The following OOEP variants were observed in gnomAD, a reference collection of about 807,000 sequenced individuals.
OOEP encodes oocyte-expressed protein homolog.
Under a neutral mutation model 13.7 loss-of-function variants are expected in OOEP, and 16 were observed. That is an observed-to-expected ratio of 1.16 (90% CI 0.79 to 1.77). OOEP has a LOEUF of 1.77. Among genes scored for constraint, OOEP ranks in the 40% most tolerant of loss-of-function variants. OOEP has a pLI of 0.00. For missense variants in OOEP, 195 were observed against 193.1 expected (o/e 1.01, Z -0.06); for synonymous variants, 89 against 77.1 (o/e 1.15, Z -0.81).
In OOEP at chr6:73,368,807, A is replaced by T. The variant is rs769916521; in HGVS notation, c.427T>A (p.Ser143Thr). The change falls in exon 3 of 3, where the codon TCT (serine) becomes ACT (threonine). Residue 143 changes from serine to threonine, a missense_variant. Coordinates refer to ENST00000370359, the MANE Select transcript of OOEP (RefSeq NM_001080507.3). ...TCTTAAGCAACAGGATCCTGGGGAG[A>T]GTGGGGGTCTGATGCATGGGCCTTC... is the stretch of plus-strand genomic sequence containing the variant. ...NLKAHASDPH[S>T]PQDPVA 3.4e-5 allele frequency: 55 copies of T among 1,612,424 alleles called. No homozygotes were observed. The highest frequency in any genetic ancestry group is 4.5e-5 in the Non-Finnish European group (53 of 1,178,604).
At chr6:73,377,411 AAAC>A (rs1431588877) in intron 2 of OOEP, among the ~76,000 whole-genome samples, 1 of 125,232 alleles carries the variant, frequency 8.0e-6, no homozygotes, top group East Asian at 2.5e-4. Flanking sequence ...AGGAGTAGAT[AAAC>A]AACCTGCTCA....
intron 2 of OOEP, among the ~76,000 whole-genome samples, chr6:73,394,117 G>A (rs2150785003): frequency 6.6e-6 from 1 of 152,170 alleles, no homozygotes; most frequent in Middle Eastern, 3.4e-3. Flanking sequence ...GAGGTGGGAG[G>A]ATCACTTGAG....
chr6:73,372,978 G>A (rs1470039700), upstream of OOEP: 12 of 724,878 alleles, frequency 1.7e-5, no homozygotes, highest in Admixed American at 2.2e-4. Context: ...CAACCAACGT[G>A]TTCATAACAG....
chr6:73,368,875 G>A lies in OOEP; in HGVS notation c.371-12C>T, dbSNP rs1401738064. The stretch of plus-strand genomic sequence containing the variant: ...TTTCATCTTCTCAGCTGGAAGAGAA[G>A]CAGTTGATACTAACCATGGACAGGG... On this transcript the variant is annotated splice_polypyrimidine_tract_variant and intron_variant, in intron 2 of 2. Transcript: ENST00000370359. 1 of 1,603,064 alleles carries A rather than the reference G, an allele frequency of 6.2e-7. No homozygotes were observed.
chr6:73,388,755 G>A (rs1167425143), intron 2 of OOEP, among the ~76,000 whole-genome samples: 1 of 152,242 alleles, frequency 6.6e-6, no homozygotes, highest in South Asian at 2.1e-4. Flanking sequence ...AGTCTGGCAG[G>A]TTGTAAGTGC....
chr6:73,368,946 A>T (rs1768999291), intron 2 of OOEP, 83 bp from the exon 3 acceptor site: 1 of 1,101,000 alleles, frequency 9.1e-7, no homozygotes, highest in Non-Finnish European at 1.4e-6. Flanking sequence ...GGAGTTGGGG[A>T]GGAGAGAAAG....
chr6:73,388,982 T>A (rs931042399), intron 2 of OOEP, among the ~76,000 whole-genome samples: 1 of 151,932 alleles, frequency 6.6e-6, no homozygotes, highest in Admixed American at 6.6e-5. Context: ...CAAACCCACA[T>A]TGGGGGTACT....
At chr6:73,371,118 C>T (rs1475060206), upstream of OOEP, among the ~76,000 whole-genome samples, 2 of 151,868 alleles carry the variant, frequency 1.3e-5, no homozygotes, top group Non-Finnish European at 2.9e-5. Flanking sequence ...GAAGAAAAAA[C>T]TCAAAATAGT....
chr6:73,370,070 C>T (rs1769026190), upstream of OOEP: 1 of 467,942 alleles, frequency 2.1e-6, no homozygotes, highest in Admixed American at 3.7e-5. Flanking sequence ...TCTCCTTCGT[C>T]ATCTCTGCTC....
At chr6:73,393,544 T>C (rs1769381188) in intron 2 of OOEP, among the ~76,000 whole-genome samples, 3 of 152,154 alleles carry the variant, frequency 2.0e-5, no homozygotes, top group African/African-American at 7.2e-5. Context: ...TTTCCTTAGC[T>C]CTAAAATTAT....
At chr6:73,375,326 G>T (rs996945370) in intron 2 of OOEP, among the ~76,000 whole-genome samples, 2 of 151,462 alleles carry the variant, frequency 1.3e-5, no homozygotes, top group African/African-American at 4.8e-5. Context: ...GCTCAGGCCT[G>T]TAATCCCAGC....
intron 2 of OOEP, among the ~76,000 whole-genome samples, chr6:73,379,951 C>T (rs1769179377): frequency 1.3e-5 from 2 of 152,280 alleles, no homozygotes; most frequent in Non-Finnish European, 2.9e-5. Context: ...AATCCAGCCT[C>T]ACACAGATAT....
At chr6:73,377,348 C>T (rs1271176488) in intron 2 of OOEP, among the ~76,000 whole-genome samples, 1 of 152,188 alleles carries the variant, frequency 6.6e-6, no homozygotes, top group Non-Finnish European at 1.5e-5. Flanking sequence ...TAGGGCTCTG[C>T]TCACAAAGCA....
chr6:73,382,039 T>G (rs1410639828), intron 2 of OOEP, among the ~76,000 whole-genome samples: 1 of 151,876 alleles, frequency 6.6e-6, no homozygotes, highest in Non-Finnish European at 1.5e-5. Context: ...TTTGTTTTTG[T>G]TTTTCTTTTT....
upstream of OOEP, chr6:73,372,997 A>C (rs1769084093): frequency 3.4e-6 from 3 of 887,792 alleles, no homozygotes; most frequent in Non-Finnish European, 5.5e-6. Context: ...AGATTCAGAG[A>C]GGAAAACACG....
intron 2 of OOEP, among the ~76,000 whole-genome samples, chr6:73,388,758 G>A (rs1417389779): frequency 6.6e-6 from 1 of 152,254 alleles, no homozygotes; most frequent in Non-Finnish European, 1.5e-5. Flanking sequence ...CTGGCAGGTT[G>A]TAAGTGCCCA....
At chr6:73,393,897 T>G (rs562739790) in intron 2 of OOEP, among the ~76,000 whole-genome samples, 1 of 152,216 alleles carries the variant, frequency 6.6e-6, no homozygotes, top group East Asian at 1.9e-4. Context: ...AGTGATCTTT[T>G]TCTCTTCATT....
chr6:73,370,126 A>G (rs1769027589), upstream of OOEP: 1 of 289,834 alleles, frequency 3.5e-6, no homozygotes, highest in Non-Finnish European at 6.5e-6. Flanking sequence ...CTTATAGCTG[A>G]TTAACAGTGT....
chr6:73,386,811 C>CAAG (rs1554233743), intron 2 of OOEP, among the ~76,000 whole-genome samples: 1 of 151,062 alleles, frequency 6.6e-6, no homozygotes, highest in Non-Finnish European at 1.5e-5. Context: ...ATTAAAAATA[C>CAAG]AAAAAAATTA....
Sources: allele counts gnomAD v4.1 joint callset (sites outside exome capture counted in the v4.1 genomes callset), GRCh38; gene constraint gnomAD v4.1.1; transcripts MANE v1.5; gene names NCBI Gene and HGNC (gene_info 2026-07-23, HGNC 2026-07-21).